TNFAIP8: variants seen among roughly 807,000 people sequenced by gnomAD.
TNFAIP8 encodes TNF alpha induced protein 8.
Under a neutral mutation model 13.3 loss-of-function variants are expected in TNFAIP8, and 7 were observed. The observed-to-expected ratio is 0.52, with a 90% CI of 0.30 to 0.99. TNFAIP8 has a LOEUF of 0.99. TNFAIP8 is among the 50% of genes least tolerant of loss of function. The pLI, the probability that TNFAIP8 is intolerant of heterozygous loss-of-function variation, is 0.07. For synonymous variants in TNFAIP8, 94 were observed against 87.6 expected, an observed-to-expected ratio of 1.07 and a Z score of -0.41; for missense variants, 258 against 236.9, an observed-to-expected ratio of 1.09 and a Z score of -0.58.
chr5:119,376,120 TG>T (rs1562027797), intron 1 of TNFAIP8, among the ~76,000 whole-genome samples: 1 of 151,296 alleles, frequency 6.6e-6, no homozygotes, highest in Non-Finnish European at 1.5e-5. Context: ...TTTTCTTTTT[TG>T]TTTTTTTTTT....
intron 1 of TNFAIP8, among the ~76,000 whole-genome samples, chr5:119,390,838 A>G (rs1752864074): frequency 6.6e-6 from 1 of 152,026 alleles, no homozygotes; most frequent in Non-Finnish European, 1.5e-5. Context: ...ATTTTTTCTG[A>G]GACAGGGTCT....
intron 1 of TNFAIP8, among the ~76,000 whole-genome samples, chr5:119,343,521 A>G (rs540478513): frequency 2.9e-4 from 44 of 152,344 alleles, no homozygotes; most frequent in African/African-American, 9.9e-4. Flanking sequence ...GATTATTCTT[A>G]TATGCTATCA....
intron 1 of TNFAIP8, among the ~76,000 whole-genome samples, chr5:119,348,989 T>C (rs1751018702): frequency 6.6e-6 from 1 of 152,104 alleles, no homozygotes; most frequent in South Asian, 2.1e-4. Flanking sequence ...GCTGCTTTTC[T>C]GAAGGAAGGC....
chr5:119,299,648 C>G (rs1020823230), intron 1 of TNFAIP8, among the ~76,000 whole-genome samples: 1 of 152,200 alleles, frequency 6.6e-6, no homozygotes, highest in Non-Finnish European at 1.5e-5. Flanking sequence ...AGCTGTCAGA[C>G]AGGGACTTTT....
At chr5:119,363,032 G>A (rs913695245) in intron 1 of TNFAIP8, among the ~76,000 whole-genome samples, 2 of 152,018 alleles carry the variant, frequency 1.3e-5, no homozygotes, top group Admixed American at 6.5e-5. Context: ...AGGGGACTGG[G>A]CCATGGATTT....
chr5:119,334,641 G>A (rs1750491917), intron 1 of TNFAIP8, among the ~76,000 whole-genome samples: 1 of 150,434 alleles, frequency 6.6e-6, no homozygotes, highest in South Asian at 2.1e-4. Flanking sequence ...GTGTGTGTGT[G>A]TGTGTGTGTG....
chr5:119,279,028 C>G (rs1274548643), intron 1 of TNFAIP8, among the ~76,000 whole-genome samples: 2 of 152,204 alleles, frequency 1.3e-5, no homozygotes, highest in Non-Finnish European at 1.5e-5. Flanking sequence ...TGTTTACCAT[C>G]CCAGTAATCA....
chr5:119,350,991 TCTCA>T lies in TNFAIP8; in HGVS notation c.2-41821_2-41818del, dbSNP rs199977153. On this transcript the variant is annotated intron_variant, in intron 1 of 1. Coordinates refer to the TNFAIP8 transcript ENST00000274456. ...GTGTGTGTGTGTGTAGAGAGAGGGG[TCTCA>T]CTCTGTGTGTGTGTGTGTGTGTGTG... Among the ~76,000 whole-genome samples the T allele has an allele frequency of 1.4e-4, 18 of 124,238 alleles. No individual in the cohort carries two copies. The South Asian group carries it at 1.6e-3, about 11-fold the overall frequency. 81.5% of individuals were successfully genotyped at this position (124,238 alleles called of 152,430 possible).
At chr5:119,391,368 T>TA (rs1562037130) in intron 1 of TNFAIP8, 1 of 702,342 alleles carries the variant, frequency 1.4e-6, no homozygotes, top group Non-Finnish European at 2.6e-6. Flanking sequence ...TACCCAGGCC[T>TA]AGGCTTAAAC....
intron 1 of TNFAIP8, among the ~76,000 whole-genome samples, chr5:119,308,544 G>A (rs963335268): frequency 3.3e-5 from 5 of 151,996 alleles, no homozygotes; most frequent in African/African-American, 1.2e-4. Context: ...AAATGGTCTT[G>A]ACTGTATAAG....
intron 1 of TNFAIP8, among the ~76,000 whole-genome samples, chr5:119,269,226 C>T (rs188095122): frequency 6.6e-6 from 1 of 152,318 alleles, no homozygotes; most frequent in Admixed American, 6.5e-5. Flanking sequence ...TCATTCCTTC[C>T]CTCCCTTTGT....
At position 119,395,934 on chromosome 5, in the gene TNFAIP8, C is replaced by T. The variant is rs1467706889; in HGVS notation, c.*2553C>T. The stretch of plus-strand genomic sequence containing the variant: ...ATTTTATTTTGTGCTGGTGGCTTCT[C>T]TGCAAAAATTATGAGTGGATATGAT... On this transcript the variant is annotated 3_prime_UTR_variant, in exon 2 of 2. Transcript: ENST00000504771. The T allele has an allele frequency of 3.9e-5, 6 of 152,104 alleles. No homozygotes were observed. The highest frequency in any genetic ancestry group is 8.8e-5 in the Non-Finnish European group (6 of 68,006). The allele number at this position is 152,104 out of a possible 1,614,324, so 9.4% of individuals were successfully genotyped here. A position where few individuals can be genotyped will look rare whatever the true frequency, so the allele number is the denominator to read the frequency against.
chr5:119,338,625 G>A (rs561472919), intron 1 of TNFAIP8, among the ~76,000 whole-genome samples: 32 of 152,312 alleles, frequency 2.1e-4, no homozygotes, highest in Admixed American at 2.6e-4. Flanking sequence ...TGTCCTTCAG[G>A]TGTTGGGAAT....
At chr5:119,363,005 A>C (rs1195995427) in intron 1 of TNFAIP8, among the ~76,000 whole-genome samples, 1 of 152,204 alleles carries the variant, frequency 6.6e-6, no homozygotes, top group Non-Finnish European at 1.5e-5. Context: ...CTCTGAGAGC[A>C]AGACTGTAGG....
At chr5:119,342,363 A>G (rs1181751308) in intron 1 of TNFAIP8, among the ~76,000 whole-genome samples, 2 of 152,232 alleles carry the variant, frequency 1.3e-5, no homozygotes, top group Non-Finnish European at 2.9e-5. Context: ...ATTCAGACCC[A>G]TGTCAGAGTC....
chr5:119,330,641 G>A (rs73794126), intron 1 of TNFAIP8, among the ~76,000 whole-genome samples: 5,409 of 152,160 alleles, frequency 0.036, 316 homozygotes, highest in African/African-American at 0.12. Flanking sequence ...ACCCACTTTC[G>A]CAGGGTGTGG....
chr5:119,341,080 T>G, intron 1 of TNFAIP8, among the ~76,000 whole-genome samples: 1 of 140,820 alleles, frequency 7.1e-6, no homozygotes, highest in Non-Finnish European at 1.5e-5. Context: ...GTGTTTTTGG[T>G]CTCCTGCTTT....
At chr5:119,355,353 T>C (rs1451958613), upstream of TNFAIP8, 2 of 702,196 alleles carry the variant, frequency 2.8e-6, no homozygotes, top group African/African-American at 1.7e-5. Flanking sequence ...GGGGCTATAC[T>C]GAATGAGTAA....
At position 119,361,068 on chromosome 5, in the gene TNFAIP8, A is replaced by G. The variant is rs564457973; in HGVS notation, c.31+4947A>G. On this transcript the variant is annotated intron_variant, in intron 1 of 1. Transcript: ENST00000504771. The stretch of plus-strand genomic sequence containing the variant: ...ACTCTTCCTTGGGGAGAAGGTATGT[A>G]TGTGTGTGGGTGGGAAGGGAGTCAG... Among the ~76,000 whole-genome samples, 3 of 152,302 alleles carry G rather than the reference A, an allele frequency of 2.0e-5. No homozygotes were observed. The East Asian group carries it at 5.8e-4, about 29-fold the overall frequency.
Sources: allele counts gnomAD v4.1 joint callset (sites outside exome capture counted in the v4.1 genomes callset), GRCh38; gene constraint gnomAD v4.1.1; transcripts MANE v1.5; gene names NCBI Gene and HGNC (gene_info 2026-07-23, HGNC 2026-07-21).